The following KLF12 variants were observed in gnomAD, a reference collection of about 807,000 sequenced individuals.
KLF12 encodes Krueppel-like factor 12.
A neutral mutation model predicts 37.8 loss-of-function variants in KLF12; 9 were observed. That is an observed-to-expected ratio of 0.24 (90% CI 0.14 to 0.42). The LOEUF (loss-of-function observed/expected upper bound fraction) is 0.42. Ranked by LOEUF, KLF12 falls within the 10% of genes least tolerant of loss-of-function variation. The probability of loss-of-function intolerance (pLI) is 1.00; values close to 1 mark genes in which losing one functional copy is unlikely to be tolerated. For missense variants in KLF12, 411 were observed against 516.0 expected (o/e 0.80, Z 1.97); for synonymous variants, 208 against 202.1 (o/e 1.03, Z -0.25).
chr13:74,292,439 A>G, the KLF12 span, among the ~76,000 whole-genome samples: 3 of 142,242 alleles, frequency 2.1e-5, no homozygotes, highest in African/African-American at 8.9e-5. Context: ...AGTAAATGAA[A>G]GGGTTTCTTT....
intron 1 of KLF12, among the ~76,000 whole-genome samples, chr13:74,004,923 A>C (rs1892372329): frequency 6.6e-6 from 1 of 151,946 alleles, no homozygotes; most frequent in Non-Finnish European, 1.5e-5. Context: ...ATGATATCCA[A>C]ACCTGTGCAC....
At chr13:74,195,756 G>T in the KLF12 span, among the ~76,000 whole-genome samples, 1 of 152,046 alleles carries the variant, frequency 6.6e-6, no homozygotes, top group South Asian at 2.1e-4. Context: ...ACACCACTAT[G>T]CCTAGCTAAT....
At chr13:74,222,663 T>G in the KLF12 span, among the ~76,000 whole-genome samples, 2 of 152,340 alleles carry the variant, frequency 1.3e-5, no homozygotes, top group African/African-American at 2.4e-5. Context: ...TATAAGTGCA[T>G]TACGTTTTCA....
chr13:73,752,099 C>T (rs927010209), intron 6 of KLF12, among the ~76,000 whole-genome samples: 8 of 152,154 alleles, frequency 5.3e-5, no homozygotes, highest in Admixed American at 1.3e-4. Context: ...TCTCCTGCCT[C>T]GGCCTCCTAA....
chr13:74,187,514 T>C, the KLF12 span, among the ~76,000 whole-genome samples: 1 of 152,150 alleles, frequency 6.6e-6, no homozygotes, highest in Non-Finnish European at 1.5e-5. Context: ...ATTCTCGGTA[T>C]ATAGTAATCA....
chr13:73,797,424 C>G (rs1882039330), intron 5 of KLF12, among the ~76,000 whole-genome samples: 1 of 152,160 alleles, frequency 6.6e-6, no homozygotes, highest in Non-Finnish European at 1.5e-5. Flanking sequence ...CCTTTAAATA[C>G]AAATCATAAA....
At chr13:74,204,023 C>T in the KLF12 span, among the ~76,000 whole-genome samples, 1 of 152,132 alleles carries the variant, frequency 6.6e-6, no homozygotes, top group East Asian at 1.9e-4. Flanking sequence ...CACAAAAGCA[C>T]AAAGATGTTG....
intron 5 of KLF12, among the ~76,000 whole-genome samples, chr13:73,787,908 T>C (rs1247196042): frequency 6.6e-6 from 1 of 151,998 alleles, no homozygotes; most frequent in African/African-American, 2.4e-5. Flanking sequence ...TAACCAAATC[T>C]AAAAGGAAGT....
At chr13:74,049,816 C>T (rs760638081) in intron 1 of KLF12, among the ~76,000 whole-genome samples, 2 of 152,160 alleles carry the variant, frequency 1.3e-5, no homozygotes, top group Non-Finnish European at 2.9e-5. Flanking sequence ...ATTCTCCGAA[C>T]TCAGGAACCA....
At chr13:73,708,802 A>C (rs1296621172) in intron 7 of KLF12, among the ~76,000 whole-genome samples, 2 of 152,242 alleles carry the variant, frequency 1.3e-5, no homozygotes, top group African/African-American at 4.8e-5. Context: ...TGTATAGCAC[A>C]TATTTAAATG....
chr13:74,156,867 C>T, the KLF12 span, among the ~76,000 whole-genome samples: 3 of 152,066 alleles, frequency 2.0e-5, no homozygotes, highest in Admixed American at 1.3e-4. Context: ...TTTTCTTTAT[C>T]TGTTCATCAG....
chr13:74,134,605 T>C (rs1375552726), upstream of KLF12, among the ~76,000 whole-genome samples: 2 of 146,112 alleles, frequency 1.4e-5, no homozygotes. Context: ...CCTGCACCAC[T>C]TTGCTGCGGC....
intron 1 of KLF12, among the ~76,000 whole-genome samples, chr13:74,069,618 A>G (rs1396588505): frequency 6.6e-6 from 1 of 152,236 alleles, no homozygotes; most frequent in Non-Finnish European, 1.5e-5. Context: ...ATTTTAAACA[A>G]AAGAGTGACA....
At chr13:74,227,463 G>A in the KLF12 span, among the ~76,000 whole-genome samples, 13 of 151,962 alleles carry the variant, frequency 8.6e-5, 1 homozygote, top group South Asian at 6.2e-4. Flanking sequence ...AATTTTCTAC[G>A]TCTCTTCATA....
At chr13:73,891,852 G>A (rs1378722105) in intron 3 of KLF12, among the ~76,000 whole-genome samples, 1 of 152,064 alleles carries the variant, frequency 6.6e-6, no homozygotes, top group Admixed American at 6.5e-5. Context: ...ATCTTTATGA[G>A]TAAAGCAGAA....
At chr13:74,064,582 C>A (rs1873799925) in intron 1 of KLF12, among the ~76,000 whole-genome samples, 1 of 152,106 alleles carries the variant, frequency 6.6e-6, no homozygotes, top group Non-Finnish European at 1.5e-5. Context: ...AGAGACATGA[C>A]CCTGAAATTA....
chr13:73,835,035 G>GGA (rs1884356827), intron 4 of KLF12, among the ~76,000 whole-genome samples: 1 of 151,404 alleles, frequency 6.6e-6, no homozygotes. Context: ...TGTATAGGAT[G>GGA]GGAAGTGGGA....
At chr13:74,058,678 C>A (rs192786749) in intron 1 of KLF12, among the ~76,000 whole-genome samples, 5 of 152,214 alleles carry the variant, frequency 3.3e-5, no homozygotes, top group Admixed American at 2.0e-4. Flanking sequence ...AAGTAACACA[C>A]ATATAAAAAT....
Position 73,715,478 on chromosome 13 carries a change from G to C in KLF12, c.917C>G (p.Ser306Cys), listed in dbSNP as rs1044483879. Residue 306 changes from serine to cysteine, a missense_variant, in exon 7 of 8, where the codon TCT (serine) becomes TGT (cysteine). Around this residue, in one of 2 missense-constraint regions of KLF12, gnomAD observed 351 missense variants for 397.8 expected, o/e 0.88. Coordinates refer to ENST00000377669, the MANE Select transcript of KLF12 (RefSeq NM_007249.5). ...CCGTTTTCTGGAGTCTGGGGATTCA[G>C]ACCGTCTCTGGCGTCTTGTGCTCTC... 2.5e-6 allele frequency: 4 copies of C among 1,614,090 alleles called. No homozygotes were observed. Among genetic ancestry groups the C allele is most frequent in the Non-Finnish European group, 3.4e-6 (4 of 1,179,966 alleles).
Sources: gnomAD v4.1 joint callset for allele counts (sites outside exome capture counted in the v4.1 genomes callset) on GRCh38, gnomAD v4.1.1 for gene constraint, gnomAD v4.1.1 regional missense constraint, MANE v1.5 for transcripts, NCBI Gene and HGNC (gene_info 2026-07-23, HGNC 2026-07-21) for gene names.